Variants in KIF21A observed in about 807,000 individuals in gnomAD.
KIF21A encodes the protein kinesin family member 21A.
Under a neutral mutation model 202.9 loss-of-function variants are expected in KIF21A, and 114 were observed. That is an observed-to-expected ratio of 0.56 (90% CI 0.48 to 0.66). The LOEUF (loss-of-function observed/expected upper bound fraction) is 0.66, where lower values mean the gene tolerates loss of function less well. Ranked by LOEUF, KIF21A falls within the 30% of genes least tolerant of loss-of-function variation. KIF21A has a pLI of 0.00. For missense variants in KIF21A, 1,677 were observed against 1,994.9 expected (o/e 0.84, Z 3.04); for synonymous variants, 667 against 670.8 (o/e 0.99, Z 0.09).
intron 1 of KIF21A, among the ~76,000 whole-genome samples, chr12:39,388,264 CCTT>C (rs1358167857): frequency 6.6e-6 from 1 of 152,118 alleles, no homozygotes; most frequent in African/African-American, 2.4e-5. Context: ...GAATCTCCTC[CCTT>C]CTTGCTTCCT....
chr12:39,417,798 T>TA (rs1271572592), intron 1 of KIF21A, among the ~76,000 whole-genome samples: 1 of 152,014 alleles, frequency 6.6e-6, no homozygotes. Context: ...ATTATTAATA[T>TA]AAAATACAGT....
intron 17 of KIF21A, among the ~76,000 whole-genome samples, chr12:39,335,514 C>A (rs1218577692): frequency 2.0e-5 from 3 of 151,734 alleles, no homozygotes; most frequent in Non-Finnish European, 4.4e-5. Flanking sequence ...TAGTGGCTGC[C>A]AGGGGCCGGG....
chr12:39,407,704 C>T (rs1952709434), intron 1 of KIF21A, among the ~76,000 whole-genome samples: 1 of 152,090 alleles, frequency 6.6e-6, no homozygotes, highest in Admixed American at 6.6e-5. Context: ...TAGAGAAAAT[C>T]CCATTATCAT....
intron 7 of KIF21A, among the ~76,000 whole-genome samples, chr12:39,362,427 G>C (rs542049525): frequency 1.1e-4 from 16 of 151,984 alleles, no homozygotes; most frequent in Non-Finnish European, 2.2e-4. Flanking sequence ...ATTGTGCTAT[G>C]ATTGAATTTA....
Position 39,331,683 on chromosome 12 carries a change from A to G in KIF21A, c.3153+7T>C, listed in dbSNP as rs942537989. 1 of 1,583,942 alleles carries G rather than the reference A, an allele frequency of 6.3e-7. No individual in the cohort carries two copies. The highest frequency in any genetic ancestry group is 1.1e-5 in the South Asian group (1 of 90,492). ...AGATTTTCAGTAACAGTGTGGTTGT[A>G]TCTTACCTTATTGATGCCCATTGAC... On this transcript the variant is annotated splice_region_variant and intron_variant, in intron 22 of 37. Transcript: ENST00000361418.
chr12:39,296,071 CTTT>C (rs34130884), intron 37 of KIF21A, among the ~76,000 whole-genome samples: 1 of 109,462 alleles, frequency 9.1e-6, no homozygotes, highest in Non-Finnish European at 1.8e-5. Context: ...TTGGGATACG[CTTT>C]TTTTTTTTTT....
At chr12:39,374,738 C>G (rs1001623201) in intron 1 of KIF21A, among the ~76,000 whole-genome samples, 3 of 152,120 alleles carry the variant, frequency 2.0e-5, no homozygotes, top group African/African-American at 7.2e-5. Context: ...ACTGGAAACT[C>G]ATTCTTGAAC....
rs184094143 is a variant in KIF21A, at chr12:39,409,326, C to A, written c.44+33601G>T. ...CTTGAGCCCAGGAGTTCAAGACCAG[C>A]CTAGGCAATATAGTGAGACCTCATC... On this transcript the variant is annotated intron_variant, in intron 1 of 37. Coordinates refer to ENST00000361418, the MANE Select transcript of KIF21A (RefSeq NM_001173464.2). Among the ~76,000 whole-genome samples, 562 of 150,146 alleles carry A rather than the reference C, an allele frequency of 3.7e-3. 5 individuals carry two copies. Among genetic ancestry groups the A allele is most frequent in the Non-Finnish European group, 5.5e-3 (372 of 67,636 alleles).
rs771481367 is a variant in KIF21A, at chr12:39,370,311, A to G, written c.45-50T>C. ...AAAAATAAAATAAATGGCAAAAAAA[A>G]ACCTCTCAAAAAATAGGACTTAAAA... is the stretch of plus-strand genomic sequence containing the variant. On this transcript the variant is annotated intron_variant, in intron 1 of 37. Transcript: ENST00000361418. 38 of 1,416,010 alleles carry G rather than the reference A, an allele frequency of 2.7e-5. No individual in the cohort carries two copies. In the African/African-American group the frequency reaches 5.4e-4, roughly 20 times the overall value. The allele number at this position is 1,416,010 out of a possible 1,614,324, so 87.7% of individuals were successfully genotyped here. A position where few individuals can be genotyped will look rare whatever the true frequency, so the allele number is the denominator to read the frequency against.
chr12:39,414,755 G>A (rs779213104), intron 1 of KIF21A, among the ~76,000 whole-genome samples: 6 of 152,092 alleles, frequency 3.9e-5, no homozygotes, highest in Non-Finnish European at 8.8e-5. Flanking sequence ...GATTTACTTT[G>A]ATTTATAACA....
intron 1 of KIF21A, among the ~76,000 whole-genome samples, chr12:39,441,676 A>AAAAAAAAAAAAAAAAAAAAC (rs1041857523): frequency 3.5e-4 from 48 of 137,364 alleles, no homozygotes; most frequent in African/African-American, 1.2e-3. Context: ...AAAAAAAAAA[A>AAAAAAAAAAAAAAAAAAAAC]AAAACACTTA....
Position 39,443,050 on chromosome 12 carries a change from G to C in KIF21A, c.-80C>G. 1 of 1,434,000 alleles carries C rather than the reference G, an allele frequency of 7.0e-7. No homozygotes were observed. The highest frequency in any genetic ancestry group is 1.5e-5 in the African/African-American group (1 of 67,328). 88.8% of individuals were successfully genotyped at this position (1,434,000 alleles called of 1,614,324 possible). A position where few individuals can be genotyped will look rare whatever the true frequency, so the allele number is the denominator to read the frequency against. ...GCCACTGGGGCCGCGGGACTCGGGCGCAGTAGGCTGGGGCGTCTGCGGGCG... is the reference window on the plus strand; with the variant it reads ...GCCACTGGGGCCGCGGGACTCGGGCCCAGTAGGCTGGGGCGTCTGCGGGCG... On this transcript the variant is annotated 5_prime_UTR_variant, in exon 1 of 38. Coordinates refer to ENST00000361418, the MANE Select transcript of KIF21A (RefSeq NM_001173464.2).
chr12:39,359,626 A>T (rs1213625725), intron 7 of KIF21A, among the ~76,000 whole-genome samples: 1 of 152,150 alleles, frequency 6.6e-6, no homozygotes, highest in Non-Finnish European at 1.5e-5. Context: ...GTAATTCAGT[A>T]AGCGTGAGGA....
intron 1 of KIF21A, among the ~76,000 whole-genome samples, chr12:39,376,810 T>C (rs1950297371): frequency 6.6e-6 from 1 of 152,142 alleles, no homozygotes; most frequent in African/African-American, 2.4e-5. Context: ...TATTCCTCTG[T>C]TCCCCATTTT....
At chr12:39,322,426 T>A in intron 27 of KIF21A, 1 of 363,742 alleles carries the variant, frequency 2.7e-6, no homozygotes, top group Non-Finnish European at 4.9e-6. Flanking sequence ...ATAAAAATTA[T>A]AACCCTTAAG....
rs893443193 is a variant in KIF21A at position 39,441,405 on chromosome 12, C to T, written c.44+1522G>A. Among the ~76,000 whole-genome samples, 15 of 152,028 alleles carry T rather than the reference C, an allele frequency of 9.9e-5. 1 individual carries two copies. The South Asian group carries it at 3.1e-3, about 32-fold the overall frequency. ...ATATTTTATGCACCTTCTTCACTTT[C>T]CTTGATCAGATCTCCTAACAAAATT... On this transcript the variant is annotated intron_variant, in intron 1 of 37. Transcript: ENST00000361418.
In KIF21A at chr12:39,340,926, T is replaced by G. The variant is rs1394566563; in HGVS notation, c.2090A>C (p.Asp697Ala). 1 of 1,611,500 alleles carries G rather than the reference T, an allele frequency of 6.2e-7. No homozygotes were observed. The highest frequency in any genetic ancestry group is 8.5e-7 in the Non-Finnish European group (1 of 1,178,116). ...CTTACCTAAGTTTTGAAGCACCTGG[T>G]CTCTTTCAAGCTGAGTATCCCGAAT... ...HKIRDTQLER[D>A]QVLQNLGSVE... The change falls in exon 15 of 38, where the codon GAC (aspartate) becomes GCC (alanine). Residue 697 changes from aspartate (D) to alanine (A), a missense_variant. Transcript: ENST00000361418.
chr12:39,399,435 T>C (rs1276569761), intron 1 of KIF21A, among the ~76,000 whole-genome samples: 2 of 152,100 alleles, frequency 1.3e-5, no homozygotes, highest in Admixed American at 1.3e-4. Context: ...CTAGTATCTA[T>C]CCCTAAATAG....
intron 1 of KIF21A, among the ~76,000 whole-genome samples, chr12:39,403,626 C>T (rs1426726299): frequency 6.6e-6 from 1 of 152,096 alleles, no homozygotes; most frequent in Admixed American, 6.6e-5. Context: ...AGTAATAATA[C>T]CTGTTTTACC....
Sources: allele counts gnomAD v4.1 joint callset (sites outside exome capture counted in the v4.1 genomes callset), GRCh38; gene constraint gnomAD v4.1.1; transcripts MANE v1.5; gene names NCBI Gene and HGNC (gene_info 2026-07-23, HGNC 2026-07-21).